DGKI: variants seen among roughly 807,000 people sequenced by gnomAD.
The protein encoded by DGKI is DAG kinase iota.
A neutral mutation model predicts 147.5 loss-of-function variants in DGKI; 55 were observed. That is an observed-to-expected ratio of 0.37 (90% CI 0.30 to 0.47). The LOEUF (loss-of-function observed/expected upper bound fraction) is 0.47. Among genes scored for constraint, DGKI ranks in the 20% least tolerant of loss-of-function variants. DGKI has a pLI of 1.00. For synonymous variants in DGKI, 469 were observed against 477.1 expected, an observed-to-expected ratio of 0.98 and a Z score of 0.22; for missense variants, 1,007 against 1,323.8, an observed-to-expected ratio of 0.76 and a Z score of 3.71.
At chr7:137,407,252 T>A (rs1353366104) in intron 30 of DGKI, among the ~76,000 whole-genome samples, 3 of 152,376 alleles carry the variant, frequency 2.0e-5, no homozygotes, top group African/African-American at 7.2e-5. Flanking sequence ...CAAAGGGTTT[T>A]TAGAGGCAGA....
At position 137,389,371 on chromosome 7, in the gene DGKI, C is replaced by A. The variant is rs542193657; in HGVS notation, c.*1849G>T. The A allele has an allele frequency of 1.3e-5, 2 of 152,058 alleles. No individual in the cohort carries two copies. The highest frequency in any genetic ancestry group is 2.9e-5 in the Non-Finnish European group (2 of 68,008). The allele number at this position is 152,058 out of a possible 1,614,324, so 9.4% of individuals were successfully genotyped here. A position where few individuals can be genotyped will look rare whatever the true frequency, so the allele number is the denominator to read the frequency against. On this transcript the variant is annotated 3_prime_UTR_variant, in exon 33 of 33. Transcript: ENST00000614521. ...ATGGAAAGACTGTGGTAATAAAATC[C>A]CCATCCACTGAAAGGCTGTTCCTGT...
chr7:137,640,604 G>A (rs1821590250), intron 6 of DGKI, among the ~76,000 whole-genome samples: 1 of 152,168 alleles, frequency 6.6e-6, no homozygotes, highest in African/African-American at 2.4e-5. Context: ...CACATTTTCA[G>A]ATTAGTAGAG....
At position 137,469,632 on chromosome 7, in the gene DGKI, A is replaced by G. The variant is rs771729209; in HGVS notation, c.2374-13T>C. 6.2e-7 allele frequency: 1 copy of G among 1,613,340 alleles called. No individual in the cohort carries two copies. Among genetic ancestry groups the G allele is most frequent in the South Asian group, 1.1e-5 (1 of 90,994 alleles). On this transcript the variant is annotated splice_polypyrimidine_tract_variant and intron_variant, in intron 23 of 32. Coordinates refer to ENST00000614521, the MANE Select transcript of DGKI (RefSeq NM_001321708.2). ...AGGTTTCATGGTCCTGGAAAGAGAC[A>G]CACACACTCTAGTGGCTGCATTTCA...
chr7:137,414,661 A>G (rs1002277393), intron 28 of DGKI, among the ~76,000 whole-genome samples: 2 of 152,162 alleles, frequency 1.3e-5, no homozygotes, highest in African/African-American at 2.4e-5. Flanking sequence ...ACCATAATAC[A>G]GACCCTGTGT....
chr7:137,614,139 C>T (rs993396048), intron 8 of DGKI, among the ~76,000 whole-genome samples: 1 of 152,118 alleles, frequency 6.6e-6, no homozygotes, highest in Non-Finnish European at 1.5e-5. Flanking sequence ...TGTTCCCACT[C>T]AGTACTATGA....
At chr7:137,790,120 G>T (rs1349205101) in intron 1 of DGKI, among the ~76,000 whole-genome samples, 2 of 152,164 alleles carry the variant, frequency 1.3e-5, no homozygotes, top group Non-Finnish European at 2.9e-5. Flanking sequence ...AAGCATGGCT[G>T]TATTCCAGTA....
chr7:137,734,502 G>A (rs770596561), intron 1 of DGKI, among the ~76,000 whole-genome samples: 1 of 151,946 alleles, frequency 6.6e-6, no homozygotes, highest in Non-Finnish European at 1.5e-5. Flanking sequence ...ATCTTTTAGA[G>A]TGCTTCCACT....
intron 1 of DGKI, among the ~76,000 whole-genome samples, chr7:137,715,523 T>C (rs1794349710): frequency 6.6e-6 from 1 of 152,192 alleles, no homozygotes; most frequent in African/African-American, 2.4e-5. Context: ...AGAAACGTTG[T>C]TCCTTTTAGC....
chr7:137,546,765 T>C (rs1817881006), intron 20 of DGKI, among the ~76,000 whole-genome samples: 1 of 152,244 alleles, frequency 6.6e-6, no homozygotes, highest in African/African-American at 2.4e-5. Context: ...ATAACTACAT[T>C]AGACCTAGTT....
chr7:137,840,212 G>T (rs1798508725), intron 1 of DGKI, among the ~76,000 whole-genome samples: 1 of 152,182 alleles, frequency 6.6e-6, no homozygotes, highest in Non-Finnish European at 1.5e-5. Flanking sequence ...TATTAAGTGG[G>T]TTAAAAACAA....
intron 1 of DGKI, among the ~76,000 whole-genome samples, chr7:137,812,375 G>C (rs1797617792): frequency 6.6e-6 from 1 of 152,122 alleles, no homozygotes; most frequent in Non-Finnish European, 1.5e-5. Context: ...TCATCATCTA[G>C]GTTCTATATC....
chr7:137,660,847 G>A (rs993555825), intron 3 of DGKI, among the ~76,000 whole-genome samples: 11 of 151,946 alleles, frequency 7.2e-5, no homozygotes, highest in African/African-American at 1.5e-4. Context: ...GGGAAAAGAC[G>A]GGAAAGGGTA....
At chr7:137,566,774 C>A (rs1818599225) in intron 19 of DGKI, among the ~76,000 whole-genome samples, 1 of 152,118 alleles carries the variant, frequency 6.6e-6, no homozygotes, top group East Asian at 1.9e-4. Context: ...AACAATCTCT[C>A]CTGAAAAGAT....
chr7:137,402,607 A>G (rs1186136246), intron 30 of DGKI, among the ~76,000 whole-genome samples: 1 of 152,094 alleles, frequency 6.6e-6, no homozygotes, highest in Non-Finnish European at 1.5e-5. Flanking sequence ...GCATCCTTTA[A>G]TTTGCTTCCC....
intron 6 of DGKI, among the ~76,000 whole-genome samples, chr7:137,630,526 A>G (rs1232903976): frequency 1.3e-5 from 2 of 152,216 alleles, no homozygotes; most frequent in Admixed American, 6.5e-5. Context: ...GTCATGCTGT[A>G]TGAAACAACT....
At chr7:137,692,502 C>T (rs770303849) in intron 1 of DGKI, among the ~76,000 whole-genome samples, 24 of 152,240 alleles carry the variant, frequency 1.6e-4, no homozygotes, top group African/African-American at 3.1e-4. Context: ...GGAAACAAAA[C>T]GCTACTGTCA....
chr7:137,461,724 C>T (rs1447901650), intron 27 of DGKI, among the ~76,000 whole-genome samples: 1 of 152,074 alleles, frequency 6.6e-6, no homozygotes, highest in Non-Finnish European at 1.5e-5. Flanking sequence ...TTGAATGCCA[C>T]TTTGCTTGTT....
rs972242883 is a variant in DGKI at position 137,562,068 on chromosome 7, T to C, written c.1947+9107A>G. ...AAGAAAAATGACGCCAGATGGAAAC[T>C]TGGATCAACAGGAAGGAGTGAATAG... On this transcript the variant is annotated intron_variant, in intron 19 of 32. Transcript: ENST00000614521. Among the ~76,000 whole-genome samples the C allele has an allele frequency of 3.3e-5, 5 of 152,176 alleles. No individual in the cohort carries two copies. In the East Asian group the frequency reaches 9.6e-4, roughly 29 times the overall value.
chr7:137,449,335 A>G (rs1450480498), intron 27 of DGKI, among the ~76,000 whole-genome samples: 1 of 152,206 alleles, frequency 6.6e-6, no homozygotes, highest in Non-Finnish European at 1.5e-5. Context: ...ATAAATCTAC[A>G]TGTTTATAGC....
Sources: allele counts gnomAD v4.1 joint callset (sites outside exome capture counted in the v4.1 genomes callset), GRCh38; gene constraint gnomAD v4.1.1; transcripts MANE v1.5; gene names NCBI Gene and HGNC (gene_info 2026-07-23, HGNC 2026-07-21).